DIS3L2: variants seen among roughly 807,000 people sequenced by gnomAD.
The protein encoded by DIS3L2 is DIS3 like 3'-5' exoribonuclease 2, also known as DIS3-like exonuclease 2.
A neutral mutation model predicts 97.5 loss-of-function variants in DIS3L2; 34 were observed. That is an observed-to-expected ratio of 0.35 (90% CI 0.27 to 0.46). DIS3L2 has a LOEUF of 0.46. Ranked by LOEUF, DIS3L2 falls within the 20% of genes least tolerant of loss-of-function variation. The pLI, the probability that DIS3L2 is intolerant of heterozygous loss-of-function variation, is 1.00. For synonymous variants in DIS3L2, 435 were observed against 445.2 expected, an observed-to-expected ratio of 0.98 and a Z score of 0.29; for missense variants, 1,038 against 1,146.0, an observed-to-expected ratio of 0.91 and a Z score of 1.36.
chr2:232,097,896 A>G (rs1189065482), intron 6 of DIS3L2, among the ~76,000 whole-genome samples: 3 of 152,214 alleles, frequency 2.0e-5, no homozygotes, highest in Non-Finnish European at 2.9e-5. Context: ...GTCTCACTCA[A>G]GGCCCATGGC....
intron 3 of DIS3L2, among the ~76,000 whole-genome samples, chr2:232,019,698 G>A (rs1188770468): frequency 6.6e-6 from 1 of 151,916 alleles, no homozygotes; most frequent in Non-Finnish European, 1.5e-5. Context: ...TTAATACTGG[G>A]GGTGATGAGA....
Position 232,329,848 on chromosome 2 carries a change from C to T in DIS3L2, c.1775C>T (p.Ala592Val), listed in dbSNP as rs753955550. ...GAGTTCATGCTCTTGGCCAACATGG[C>T]AGTGGCCCACAAGATCCACCGCGCC... ...VEEFMLLANM[A>V]VAHKIHRAFP... Residue 592 changes from alanine to valine, a missense_variant, in exon 15 of 21, where the codon GCA (alanine) becomes GTA (valine). Ala to Val is a moderately conservative substitution (Grantham distance 64). This residue lies in a region of DIS3L2 where 813 missense variants were observed against 880.1 expected (regional missense o/e 0.92). Coordinates refer to ENST00000325385, the MANE Select transcript of DIS3L2 (RefSeq NM_152383.5). 1.6e-5 allele frequency: 22 copies of T among 1,393,208 alleles called. No homozygotes were observed. In the Middle Eastern group the frequency reaches 6.1e-4, roughly 38 times the overall value. 86.3% of individuals were successfully genotyped at this position (1,393,208 alleles called of 1,614,324 possible). A position where few individuals can be genotyped will look rare whatever the true frequency, so the allele number is the denominator to read the frequency against.
chr2:232,116,440 A>G (rs939378729), intron 6 of DIS3L2, among the ~76,000 whole-genome samples: 3 of 152,162 alleles, frequency 2.0e-5, no homozygotes, highest in Admixed American at 1.3e-4. Flanking sequence ...CATGGTCACT[A>G]TGTGGAATTA....
chr2:232,217,047 T>C (rs1692359979), intron 10 of DIS3L2, among the ~76,000 whole-genome samples: 1 of 152,196 alleles, frequency 6.6e-6, no homozygotes, highest in African/African-American at 2.4e-5. Flanking sequence ...TTCACCATAT[T>C]GGCCAGGCTG....
chr2:232,169,413 A>T (rs1690918894), intron 9 of DIS3L2, among the ~76,000 whole-genome samples: 1 of 152,192 alleles, frequency 6.6e-6, no homozygotes, highest in Non-Finnish European at 1.5e-5. Flanking sequence ...ACCAAGGGCC[A>T]GCCCCTGTTC....
At chr2:232,165,859 T>C (rs1690790004) in intron 9 of DIS3L2, among the ~76,000 whole-genome samples, 1 of 152,096 alleles carries the variant, frequency 6.6e-6, no homozygotes, top group East Asian at 1.9e-4. Flanking sequence ...TGTATAACTT[T>C]AAAAAATTAT....
At chr2:232,063,642 T>C (rs1464610382) in intron 5 of DIS3L2, among the ~76,000 whole-genome samples, 2 of 152,260 alleles carry the variant, frequency 1.3e-5, no homozygotes, top group East Asian at 1.9e-4. Context: ...GTTAATTAAG[T>C]CTTTCCTTCG....
intron 1 of DIS3L2, among the ~76,000 whole-genome samples, chr2:232,001,137 T>C (rs193029568): frequency 2.6e-5 from 4 of 152,302 alleles, no homozygotes; most frequent in Admixed American, 2.0e-4. Context: ...CCAAACTGTT[T>C]TCCATAATGG....
intron 1 of DIS3L2, among the ~76,000 whole-genome samples, chr2:231,999,363 C>T (rs1271058742): frequency 6.6e-6 from 1 of 152,122 alleles, no homozygotes; most frequent in Non-Finnish European, 1.5e-5. Context: ...GTCATTGATT[C>T]TAGGCCCTTT....
chr2:232,315,091 G>C (rs1559208217), intron 14 of DIS3L2, among the ~76,000 whole-genome samples: 1 of 152,108 alleles, frequency 6.6e-6, no homozygotes, highest in African/African-American at 2.4e-5. Flanking sequence ...ACCCAAGGAG[G>C]CTTGCCCCTT....
At chr2:232,057,973 A>G (rs1473667087) in intron 5 of DIS3L2, among the ~76,000 whole-genome samples, 1 of 152,238 alleles carries the variant, frequency 6.6e-6, no homozygotes, top group African/African-American at 2.4e-5. Context: ...TTACTTTAAA[A>G]CAGGAGAAAA....
intron 3 of DIS3L2, among the ~76,000 whole-genome samples, chr2:232,021,439 T>C (rs1694508479): frequency 6.6e-6 from 1 of 151,978 alleles, no homozygotes; most frequent in African/African-American, 2.4e-5. Flanking sequence ...GAAAGTGCGA[T>C]ATTTGAATTT....
intron 1 of DIS3L2, among the ~76,000 whole-genome samples, chr2:232,001,149 T>C (rs1396258783): frequency 6.6e-6 from 1 of 152,214 alleles, no homozygotes; most frequent in Non-Finnish European, 1.5e-5. Flanking sequence ...CCATAATGGC[T>C]ATAGTAATTT....
chr2:231,999,341 T>A (rs1479364224), intron 1 of DIS3L2, among the ~76,000 whole-genome samples: 1 of 152,210 alleles, frequency 6.6e-6, no homozygotes, highest in Non-Finnish European at 1.5e-5. Flanking sequence ...ATATGCTCAT[T>A]GCTACTGGAA....
chr2:231,982,216 ATATTT>A (rs1033389606), intron 1 of DIS3L2, among the ~76,000 whole-genome samples: 12 of 151,988 alleles, frequency 7.9e-5, no homozygotes, highest in African/African-American at 2.9e-4. Flanking sequence ...CATGTTGTTA[ATATTT>A]TATTTAGGAT....
At position 232,096,248 on chromosome 2, in the gene DIS3L2, G is replaced by A. The variant is rs545298183; in HGVS notation, c.601+8527G>A. 2.9e-3 allele frequency among the ~76,000 whole-genome samples: 433 copies of A among 151,784 alleles called. 1 individual carries two copies. The highest frequency in any genetic ancestry group is 4.7e-3 in the Non-Finnish European group (317 of 67,904). ...ACTACAGGCGCCCGCCACCACGCTC[G>A]GCTAATTTTTTGTATTTTTAATAGA... On this transcript the variant is annotated intron_variant, in intron 6 of 20. Transcript: ENST00000325385.
At chr2:232,332,285 G>A (rs1695761516) in intron 16 of DIS3L2, among the ~76,000 whole-genome samples, 1 of 151,952 alleles carries the variant, frequency 6.6e-6, no homozygotes. Context: ...TTAACCCAGG[G>A]CCCAGCAGGG....
intron 5 of DIS3L2, among the ~76,000 whole-genome samples, chr2:232,036,153 A>G (rs920316539): frequency 1.3e-5 from 2 of 152,180 alleles, no homozygotes; most frequent in African/African-American, 4.8e-5. Context: ...TTTCAGGTAC[A>G]TCAATCAAAC....
intron 1 of DIS3L2, among the ~76,000 whole-genome samples, chr2:231,979,092 TTCA>T (rs1223511134): frequency 1.3e-5 from 2 of 152,146 alleles, no homozygotes; most frequent in Admixed American, 1.3e-4. Context: ...AATTTGAGAC[TTCA>T]TCATTATGAC....
Sources: gnomAD v4.1 joint callset for allele counts (sites outside exome capture counted in the v4.1 genomes callset) on GRCh38, gnomAD v4.1.1 for gene constraint, gnomAD v4.1.1 regional missense constraint, MANE v1.5 for transcripts, NCBI Gene and HGNC (gene_info 2026-07-23, HGNC 2026-07-21) for gene names.